The following FAM83G variants were observed in gnomAD, a reference collection of about 807,000 sequenced individuals.
The protein encoded by FAM83G is scaffolding CK1 anchoring protein G, also known as protein FAM83G.
Under a neutral mutation model 61.5 loss-of-function variants are expected in FAM83G, and 38 were observed. The ratio of observed to expected loss-of-function variants is 0.62; its 90% CI spans 0.48 to 0.81. The LOEUF is 0.81. Ranked by LOEUF, FAM83G falls within the 30% of genes least tolerant of loss-of-function variation. The probability of loss-of-function intolerance (pLI) is 0.00; values close to 1 mark genes in which losing one functional copy is unlikely to be tolerated. For synonymous variants in FAM83G, 470 were observed against 476.1 expected (o/e 0.99, Z 0.17); for missense variants, 989 against 1,133.6 (o/e 0.87, Z 1.83).
At position 18,971,250 on chromosome 17, in the gene FAM83G, T is replaced by C; in HGVS notation, c.*109A>G. ...GCCAACGTCTCCCGCCCATCCCACC[T>C]TCCTGCCGTCCCAGTGGGCTCTGGT... On this transcript the variant is annotated 3_prime_UTR_variant, in exon 6 of 6. Coordinates refer to ENST00000388995, the MANE Select transcript of FAM83G (RefSeq NM_001039999.3). The surrounding 1 kb of genome is among the most constrained non-coding windows in gnomAD (Gnocchi z 5.5). 1 of 1,612,484 alleles carries C rather than the reference T, an allele frequency of 6.2e-7. No homozygotes were observed. The highest frequency in any genetic ancestry group is 8.5e-7 in the Non-Finnish European group (1 of 1,178,996).
At chr17:18,977,094 C>T in intron 5 of FAM83G, 2 of 1,501,008 alleles carry the variant, frequency 1.3e-6, no homozygotes, top group Non-Finnish European at 1.8e-6. Flanking sequence ...TAGATGTGAA[C>T]TGTTCCCCAA....
At chr17:18,991,722 G>A (rs539999441) in intron 2 of FAM83G, among the ~76,000 whole-genome samples, 9 of 152,300 alleles carry the variant, frequency 5.9e-5, no homozygotes, top group Admixed American at 2.6e-4. Context: ...CAAAGCCGAC[G>A]GGCAGCTCCC....
Position 18,996,653 on chromosome 17 carries a change from C to T in FAM83G, c.522+6867G>A, listed in dbSNP as rs1250979211. Among the ~76,000 whole-genome samples, 6 of 152,148 alleles carry T rather than the reference C, an allele frequency of 3.9e-5. No homozygotes were observed. Among genetic ancestry groups the T allele is most frequent in the East Asian group, 3.9e-4 (2 of 5,194 alleles). On this transcript the variant is annotated intron_variant, in intron 2 of 5. Coordinates refer to ENST00000388995, the MANE Select transcript of FAM83G (RefSeq NM_001039999.3). The surrounding 1 kb of genome is among the most constrained non-coding windows in gnomAD (Gnocchi z 4.4). Reference sequence around the variant, plus strand: ...GGATAATTAGGCCAACCAGCTGGCACGCATACAGGTGTCCCTTTTCTGGAG... The same window carrying T: ...GGATAATTAGGCCAACCAGCTGGCATGCATACAGGTGTCCCTTTTCTGGAG...
rs2043316653 is a variant in FAM83G at position 18,988,170 on chromosome 17, AGGT to A, written c.690+74_690+76del. 3.2e-6 allele frequency: 5 copies of A among 1,555,494 alleles called. No individual in the cohort carries two copies. The Admixed American group carries it at 8.6e-5, about 27-fold the overall frequency. On this transcript the variant is annotated intron_variant, in intron 3 of 5. Transcript: ENST00000388995. Reference sequence around the variant, plus strand: ...GCACAGGACTCCGTCCAGAGCAGGCAGGTACTCGAAGTGTTTGTTGACAGACTG... The same window carrying A: ...GCACAGGACTCCGTCCAGAGCAGGCAACTCGAAGTGTTTGTTGACAGACTG...
intron 2 of FAM83G, among the ~76,000 whole-genome samples, chr17:18,993,396 A>G (rs1357463797): frequency 1.3e-5 from 2 of 152,206 alleles, no homozygotes; most frequent in African/African-American, 4.8e-5. Flanking sequence ...AGGCACAGCA[A>G]TGGAGTCTCC....
Position 18,969,046 on chromosome 17 carries a change from C to G in FAM83G, c.*2313G>C, listed in dbSNP as rs1250051354. On this transcript the variant is annotated 3_prime_UTR_variant, in exon 6 of 6. Coordinates refer to ENST00000388995, the MANE Select transcript of FAM83G (RefSeq NM_001039999.3). ...CAGTCCCACACAAGGCTCTCTCCCT[C>G]CGCAGCTGGACCTGTACGCGGGGGC... The G allele has an allele frequency of 6.2e-7, 1 of 1,611,356 alleles. No homozygotes were observed. Among genetic ancestry groups the G allele is most frequent in the South Asian group, 1.1e-5 (1 of 90,680 alleles).
intron 3 of FAM83G, among the ~76,000 whole-genome samples, chr17:18,982,620 C>A (rs1415500605): frequency 6.6e-6 from 1 of 152,162 alleles, no homozygotes; most frequent in Non-Finnish European, 1.5e-5. Context: ...CATCTGCTCT[C>A]AGCGGGTGGC....
intron 2 of FAM83G, among the ~76,000 whole-genome samples, chr17:18,989,205 C>T (rs866753245): frequency 2.8e-5 from 4 of 143,002 alleles, no homozygotes; most frequent in Middle Eastern, 7.1e-3. Flanking sequence ...CCATCCCTGT[C>T]CCAGGTCTGA....
In FAM83G at chr17:18,979,490, A is replaced by AAGCCAGTTGGG. The variant is rs1211864425; in HGVS notation, c.815+48_815+58dup. On this transcript the variant is annotated intron_variant, in intron 4 of 5. Transcript: ENST00000388995. ...TAACCAGGGTTAGGATTAAGGGCAG[A>AAGCCAGTTGGG]AGCCAGTTGGGAGCCAGAGGTACCT... The AAGCCAGTTGGG allele has an allele frequency of 5.0e-6, 8 of 1,596,680 alleles. No individual in the cohort carries two copies. In the African/African-American group the frequency reaches 1.1e-4, roughly 21 times the overall value.
chr17:18,977,192 C>A, intron 5 of FAM83G: 1 of 685,798 alleles, frequency 1.5e-6, no homozygotes, highest in Non-Finnish European at 2.4e-6. Context: ...ACAGGTATCA[C>A]TTACTGCTGT....
At chr17:18,991,473 C>G (rs2043423054) in intron 2 of FAM83G, among the ~76,000 whole-genome samples, 1 of 152,222 alleles carries the variant, frequency 6.6e-6, no homozygotes, top group South Asian at 2.1e-4. Context: ...CACACGTCCT[C>G]TCAGAGGTCC....
At chr17:18,982,196 C>T (rs1276179772) in intron 3 of FAM83G, among the ~76,000 whole-genome samples, 1 of 152,216 alleles carries the variant, frequency 6.6e-6, no homozygotes, top group Non-Finnish European at 1.5e-5. Flanking sequence ...CCTTGCTGGG[C>T]CTTAGTCTCC....
intron 2 of FAM83G, among the ~76,000 whole-genome samples, chr17:18,994,429 A>G (rs1486094466): frequency 6.6e-6 from 1 of 152,132 alleles, no homozygotes; most frequent in Non-Finnish European, 1.5e-5. Flanking sequence ...GGAGTGCCGC[A>G]GGGGAGAGAG....
At chr17:18,981,774 C>G (rs567061522) in intron 3 of FAM83G, among the ~76,000 whole-genome samples, 10 of 152,344 alleles carry the variant, frequency 6.6e-5, no homozygotes, top group Admixed American at 2.6e-4. Flanking sequence ...CGCCGGCCCC[C>G]CACCCCGCAG....
intron 3 of FAM83G, among the ~76,000 whole-genome samples, chr17:18,981,845 G>A (rs1219263965): frequency 6.6e-6 from 1 of 152,168 alleles, no homozygotes; most frequent in African/African-American, 2.4e-5. Flanking sequence ...GACAATTAGC[G>A]CTCGTGACTT....
rs202027939 is a variant in FAM83G at position 18,971,007 on chromosome 17, C to T, written c.*352G>A. 155 of 1,613,876 alleles carry T rather than the reference C, an allele frequency of 9.6e-5. No individual in the cohort carries two copies. In the African/African-American group the frequency reaches 2.0e-3, roughly 21 times the overall value. ...AACTGTCCCTGTTCCACCCTGACCC[C>T]TCCAGCTTTTGACCAGATCGGTGGT... On this transcript the variant is annotated 3_prime_UTR_variant, in exon 6 of 6. Coordinates refer to ENST00000388995, the MANE Select transcript of FAM83G (RefSeq NM_001039999.3). The surrounding 1 kb of genome is among the most constrained non-coding windows in gnomAD (Gnocchi z 5.5).
chr17:18,993,335 G>A (rs922127908), intron 2 of FAM83G, among the ~76,000 whole-genome samples: 6 of 152,084 alleles, frequency 3.9e-5, no homozygotes, highest in Non-Finnish European at 5.9e-5. Context: ...CTCCCCTGTC[G>A]TCACTCTGGC....
chr17:18,995,484 T>C (rs1292274700), intron 2 of FAM83G, among the ~76,000 whole-genome samples: 1 of 152,140 alleles, frequency 6.6e-6, no homozygotes, highest in Non-Finnish European at 1.5e-5. Context: ...AAACTGTGGG[T>C]CAACTTCAAG....
chr17:18,984,332 C>CAA (rs1176935676), intron 3 of FAM83G, among the ~76,000 whole-genome samples: 17,497 of 67,350 alleles, frequency 0.26, 2,503 homozygotes, highest in African/African-American at 0.49. Flanking sequence ...GACTCCCTCT[C>CAA]AAAAAAAAAA....
Sources: gnomAD v4.1 joint callset for allele counts (sites outside exome capture counted in the v4.1 genomes callset) on GRCh38, gnomAD v4.1.1 for gene constraint, Gnocchi (gnomAD v3.1) non-coding constraint, MANE v1.5 for transcripts, NCBI Gene and HGNC (gene_info 2026-07-23, HGNC 2026-07-21) for gene names.